The following WDR49 variants were observed in gnomAD, a reference collection of about 807,000 sequenced individuals.
WDR49 encodes cilia- and flagella-associated protein 337.
WDR49 carries 107 observed loss-of-function variants against 119.5 expected under a neutral mutation model. The ratio of observed to expected loss-of-function variants is 0.90; its 90% CI spans 0.77 to 1.05. The LOEUF (loss-of-function observed/expected upper bound fraction) is 1.05. WDR49 is among the 50% of genes least tolerant of loss of function. The pLI is 0.00. For missense variants in WDR49, 1,240 were observed against 1,220.5 expected (o/e 1.02, Z -0.24); for synonymous variants, 425 against 418.8 (o/e 1.01, Z -0.18).
intron 7 of WDR49, among the ~76,000 whole-genome samples, chr3:167,589,447 A>G (rs550134039): frequency 4.6e-5 from 7 of 152,206 alleles, no homozygotes; most frequent in African/African-American, 1.7e-4. Flanking sequence ...CATAAATTTT[A>G]GGATTGTTTT....
At position 167,576,099 on chromosome 3, in the gene WDR49, C is replaced by T. The variant is rs1216934647; in HGVS notation, c.1328G>A (p.Cys443Tyr). Residue 443 changes from cysteine (C) to tyrosine (Y), a missense_variant, in exon 8 of 19, where the codon TGT (cysteine) becomes TAT (tyrosine). Cys to Tyr is a radical substitution (Grantham distance 194). Coordinates refer to ENST00000682715, the MANE Select transcript of WDR49 (RefSeq NM_001366157.1). Reference sequence around the variant, plus strand: ...GAAGTCCTGACTTTTGGGGAAAGAACAAGCTATCCTCTGGATGGACAGCTG... The same window carrying T: ...GAAGTCCTGACTTTTGGGGAAAGAATAAGCTATCCTCTGGATGGACAGCTG... Reference protein sequence around the residue: ...QHQLSIQRIACSFPKSQDFRC... With the variant: ...QHQLSIQRIAYSFPKSQDFRC... 9.9e-6 allele frequency: 16 copies of T among 1,614,014 alleles called. No individual in the cohort carries two copies. Among genetic ancestry groups the T allele is most frequent in the Non-Finnish European group, 1.4e-5 (16 of 1,180,026 alleles).
intron 18 of WDR49, among the ~76,000 whole-genome samples, chr3:167,486,098 C>T (rs765433207): frequency 2.6e-5 from 4 of 152,042 alleles, no homozygotes; most frequent in Non-Finnish European, 5.9e-5. Flanking sequence ...CTATTTTCAA[C>T]ATACTTAAAG....
At chr3:167,598,014 T>C (rs760621583) in intron 7 of WDR49, among the ~76,000 whole-genome samples, 4 of 152,014 alleles carry the variant, frequency 2.6e-5, no homozygotes, top group Non-Finnish European at 4.4e-5. Flanking sequence ...TTTTGAAATG[T>C]GAGAAGGTTG....
intron 8 of WDR49, among the ~76,000 whole-genome samples, chr3:167,563,271 G>A (rs536931085): frequency 1.3e-5 from 2 of 150,128 alleles, no homozygotes; most frequent in African/African-American, 4.9e-5. Flanking sequence ...GGAGAAGGGC[G>A]TGAACCCGGG....
At chr3:167,530,873 C>T (rs1342031263) in intron 13 of WDR49, among the ~76,000 whole-genome samples, 2 of 152,014 alleles carry the variant, frequency 1.3e-5, no homozygotes, top group Admixed American at 1.3e-4. Flanking sequence ...CAGAATTTTT[C>T]CCATCTTGAT....
At chr3:167,509,045 G>A (rs569729257) in intron 16 of WDR49, among the ~76,000 whole-genome samples, 1 of 152,222 alleles carries the variant, frequency 6.6e-6, no homozygotes, top group South Asian at 2.1e-4. Context: ...ATTAATTTGA[G>A]GTGTGCCCTC....
At chr3:167,633,896 C>T (rs755657717) in intron 2 of WDR49, among the ~76,000 whole-genome samples, 8 of 151,904 alleles carry the variant, frequency 5.3e-5, no homozygotes, top group African/African-American at 1.9e-4. Flanking sequence ...TCTATTCAAG[C>T]ATTAATTATT....
At chr3:167,506,790 CT>C (rs1751786209) in intron 16 of WDR49, among the ~76,000 whole-genome samples, 1 of 151,568 alleles carries the variant, frequency 6.6e-6, no homozygotes, top group African/African-American at 2.4e-5. Flanking sequence ...TGTCTAACTC[CT>C]TAGCCTCTGG....
intron 10 of WDR49, among the ~76,000 whole-genome samples, chr3:167,543,145 A>T (rs563651605): frequency 1.3e-3 from 201 of 149,028 alleles, no homozygotes; most frequent in African/African-American, 4.7e-3. Context: ...ATTAAGTAAT[A>T]AAAAAAAAAT....
chr3:167,553,956 A>C (rs1487535601), intron 10 of WDR49, among the ~76,000 whole-genome samples: 1 of 152,148 alleles, frequency 6.6e-6, no homozygotes, highest in Non-Finnish European at 1.5e-5. Context: ...CGAGCTTCAA[A>C]GCATTAAGGT....
chr3:167,634,378 ATTG>A (rs755621976), intron 2 of WDR49, among the ~76,000 whole-genome samples: 1 of 151,944 alleles, frequency 6.6e-6, no homozygotes, highest in Non-Finnish European at 1.5e-5. Flanking sequence ...ATTGTCTACA[ATTG>A]TTGTTGCAAG....
At chr3:167,640,165 C>T (rs1362657425) in intron 2 of WDR49, among the ~76,000 whole-genome samples, 2 of 151,764 alleles carry the variant, frequency 1.3e-5, no homozygotes, top group Admixed American at 6.6e-5. Context: ...TGTTTTTGCA[C>T]CCGCATATAT....
intron 16 of WDR49, among the ~76,000 whole-genome samples, chr3:167,517,111 T>C (rs921359077): frequency 6.6e-6 from 1 of 152,160 alleles, no homozygotes; most frequent in Non-Finnish European, 1.5e-5. Flanking sequence ...ACTTTTACAC[T>C]GTTGGTGGGA....
chr3:167,558,184 C>T (rs1450903821), intron 9 of WDR49, among the ~76,000 whole-genome samples: 2 of 152,080 alleles, frequency 1.3e-5, no homozygotes, highest in African/African-American at 2.4e-5. Flanking sequence ...GTGGTAGCCT[C>T]AGAGAAGGAG....
At chr3:167,634,175 C>G (rs1717506429) in intron 2 of WDR49, among the ~76,000 whole-genome samples, 1 of 151,848 alleles carries the variant, frequency 6.6e-6, no homozygotes. Context: ...TCTTATTAAT[C>G]TATATTATCT....
chr3:167,569,231 T>C (rs1400051864), intron 8 of WDR49, among the ~76,000 whole-genome samples: 1 of 152,054 alleles, frequency 6.6e-6, no homozygotes, highest in Non-Finnish European at 1.5e-5. Context: ...CATGAGCCAC[T>C]GCACCCAGCC....
intron 16 of WDR49, among the ~76,000 whole-genome samples, chr3:167,508,915 G>T (rs1474648793): frequency 1.3e-5 from 2 of 152,136 alleles, no homozygotes; most frequent in Middle Eastern, 3.4e-3. Flanking sequence ...TTTCTCACAT[G>T]AAATCTACTG....
intron 18 of WDR49, among the ~76,000 whole-genome samples, chr3:167,488,877 G>A (rs1023295277): frequency 5.9e-5 from 9 of 152,030 alleles, no homozygotes; most frequent in Non-Finnish European, 1.3e-4. Flanking sequence ...CCTCTTTTCT[G>A]TCCCTGGAAC....
chr3:167,614,988 T>A (rs927867616), intron 5 of WDR49, among the ~76,000 whole-genome samples: 2 of 152,220 alleles, frequency 1.3e-5, no homozygotes, highest in African/African-American at 4.8e-5. Flanking sequence ...TATATTACAT[T>A]TGAATCCATC....
Sources: allele counts gnomAD v4.1 joint callset (sites outside exome capture counted in the v4.1 genomes callset), GRCh38; gene constraint gnomAD v4.1.1; transcripts MANE v1.5; gene names NCBI Gene and HGNC (gene_info 2026-07-23, HGNC 2026-07-21).